Variants in PHF24 observed in about 807,000 individuals in gnomAD.
PHF24 encodes the protein Galpha inhibitory interacting protein.
A neutral mutation model predicts 42.6 loss-of-function variants in PHF24; 25 were observed. The ratio of observed to expected loss-of-function variants is 0.59; its 90% confidence interval spans 0.43 to 0.82. The LOEUF (loss-of-function observed/expected upper bound fraction) is 0.82, where lower values mean the gene tolerates loss of function less well. Ranked by LOEUF, PHF24 falls within the 40% of genes least tolerant of loss-of-function variation. The pLI, the probability that PHF24 is intolerant of heterozygous loss-of-function variation, is 0.00. For missense variants in PHF24, 470 were observed against 538.1 expected (o/e 0.87, Z 1.25); for synonymous variants, 185 against 204.8 (o/e 0.90, Z 0.83).
the PHF24 span, among the ~76,000 whole-genome samples, chr9:34,950,785 A>C: frequency 6.6e-6 from 1 of 152,196 alleles, no homozygotes; most frequent in Non-Finnish European, 1.5e-5. Flanking sequence ...AAGAGCAAAC[A>C]AAACCCAAAG....
the PHF24 span, chr9:34,724,640 T>C: frequency 1.3e-6 from 2 of 1,532,718 alleles, no homozygotes; most frequent in South Asian, 2.4e-5. Context: ...AGGCAGCGTC[T>C]CCATTGTTCC....
chr9:34,862,765 G>A, the PHF24 span, among the ~76,000 whole-genome samples: 1 of 151,598 alleles, frequency 6.6e-6, no homozygotes, highest in Admixed American at 6.6e-5. Flanking sequence ...AAAAGTAGAG[G>A]AAAAAGTAAA....
intron 1 of PHF24, among the ~76,000 whole-genome samples, chr9:34,961,901 G>A (rs1252468180): frequency 1.3e-5 from 2 of 152,242 alleles, no homozygotes; most frequent in East Asian, 3.8e-4. Flanking sequence ...TCCTCTCACT[G>A]AAGCAGAGCT....
At chr9:34,930,221 T>G in the PHF24 span, among the ~76,000 whole-genome samples, 1 of 152,210 alleles carries the variant, frequency 6.6e-6, no homozygotes, top group Non-Finnish European at 1.5e-5. Context: ...ACTTAAGTGG[T>G]GCCGAGACTC....
the PHF24 span, chr9:34,723,058 G>A: frequency 1.3e-6 from 1 of 760,578 alleles, no homozygotes; most frequent in South Asian, 2.0e-5. Context: ...ATGTATTGCT[G>A]AGAAATATAG....
At chr9:34,894,619 A>G in the PHF24 span, 1 of 397,518 alleles carries the variant, frequency 2.5e-6, no homozygotes, top group East Asian at 3.6e-5. Flanking sequence ...TCAGAACACT[A>G]AGTCACATCT....
the PHF24 span, among the ~76,000 whole-genome samples, chr9:34,804,075 C>CAG: frequency 6.6e-6 from 1 of 152,080 alleles, no homozygotes. Context: ...TAAAAGGGGC[C>CAG]AGAGAGAGAC....
At chr9:34,951,816 T>C in the PHF24 span, among the ~76,000 whole-genome samples, 1 of 152,282 alleles carries the variant, frequency 6.6e-6, no homozygotes, top group Non-Finnish European at 1.5e-5. Context: ...GAATCCATTT[T>C]GTTGTGTCTG....
the PHF24 span, among the ~76,000 whole-genome samples, chr9:34,778,190 C>T: frequency 1.3e-5 from 2 of 152,162 alleles, no homozygotes; most frequent in Admixed American, 1.3e-4. Flanking sequence ...TCTCATCAGC[C>T]ACAGTAAGGA....
intron 7 of PHF24, 140 bp downstream of exon 7, chr9:34,977,781 A>G: frequency 1.2e-6 from 1 of 805,724 alleles, no homozygotes; most frequent in South Asian, 1.7e-5. Flanking sequence ...TGCACATTTG[A>G]CCCAAGTCTA....
At chr9:34,836,824 A>G in the PHF24 span, among the ~76,000 whole-genome samples, 1 of 152,204 alleles carries the variant, frequency 6.6e-6, no homozygotes, top group African/African-American at 2.4e-5. Flanking sequence ...TCTTTTATGA[A>G]TAATGTACTA....
chr9:34,874,426 C>A, the PHF24 span, among the ~76,000 whole-genome samples: 244 of 152,194 alleles, frequency 1.6e-3, no homozygotes, highest in African/African-American at 5.0e-3. Flanking sequence ...TTTTTCAATC[C>A]ACTCGTTTCT....
At chr9:34,865,418 G>T in the PHF24 span, among the ~76,000 whole-genome samples, 267 of 151,830 alleles carry the variant, frequency 1.8e-3, no homozygotes, top group African/African-American at 6.2e-3. Flanking sequence ...ACAAAAATTA[G>T]CCAGGTGTGG....
chr9:34,794,692 G>A, the PHF24 span, among the ~76,000 whole-genome samples: 1 of 152,134 alleles, frequency 6.6e-6, no homozygotes, highest in Non-Finnish European at 1.5e-5. Context: ...AAAACTCACT[G>A]GCTTGACTCT....
the PHF24 span, among the ~76,000 whole-genome samples, chr9:34,755,198 TA>T: frequency 6.6e-6 from 1 of 152,122 alleles, no homozygotes; most frequent in Non-Finnish European, 1.5e-5. Context: ...AAAAGTAACT[TA>T]AAAAGCATAA....
At chr9:34,672,799 A>AT in the PHF24 span, among the ~76,000 whole-genome samples, 1 of 152,164 alleles carries the variant, frequency 6.6e-6, no homozygotes, top group Non-Finnish European at 1.5e-5. Context: ...TCTTTTATTT[A>AT]TTTTTAATTT....
chr9:34,706,609 C>G, the PHF24 span, among the ~76,000 whole-genome samples: 1 of 152,196 alleles, frequency 6.6e-6, no homozygotes, highest in African/African-American at 2.4e-5. Context: ...CAGTCATGAT[C>G]TGATGGAATA....
the PHF24 span, among the ~76,000 whole-genome samples, chr9:34,905,507 G>A: frequency 6.6e-6 from 1 of 152,156 alleles, no homozygotes; most frequent in African/African-American, 2.4e-5. Context: ...ACAATAATAC[G>A]GTATCTGAGA....
the PHF24 span, among the ~76,000 whole-genome samples, chr9:34,674,735 T>A: frequency 6.6e-6 from 1 of 152,260 alleles, no homozygotes; most frequent in African/African-American, 2.4e-5. Flanking sequence ...GATTGTAGTG[T>A]GTCCTTGGTG....
Sources: allele counts gnomAD v4.1 joint callset (sites outside exome capture counted in the v4.1 genomes callset), GRCh38; gene constraint gnomAD v4.1.1; transcripts MANE v1.5; gene names NCBI Gene and HGNC (gene_info 2026-07-23, HGNC 2026-07-21).